GRIN2A: variants seen among roughly 807,000 people sequenced by gnomAD.
The protein encoded by GRIN2A is glutamate receptor ionotropic, NMDA 2A.
A neutral mutation model predicts 113.4 loss-of-function variants in GRIN2A; 22 were observed. The ratio of observed to expected loss-of-function variants is 0.19; its 90% CI spans 0.14 to 0.28. The LOEUF (loss-of-function observed/expected upper bound fraction) is 0.28, where lower values mean the gene tolerates loss of function less well. Ranked by LOEUF, GRIN2A falls within the 10% of genes least tolerant of loss-of-function variation. GRIN2A has a pLI of 1.00. For missense variants in GRIN2A, 1,502 were observed against 1,887.0 expected (o/e 0.80, Z 3.78); for synonymous variants, 827 against 738.4 (o/e 1.12, Z -1.94).
intron 5 of GRIN2A, among the ~76,000 whole-genome samples, chr16:9,842,487 A>G (rs887297244): frequency 3.3e-5 from 5 of 152,340 alleles, no homozygotes; most frequent in Admixed American, 6.5e-5. Flanking sequence ...CCTAAGCACT[A>G]AAGTGATGTC....
chr16:10,165,135 A>G (rs563809690), intron 2 of GRIN2A, among the ~76,000 whole-genome samples: 1 of 152,300 alleles, frequency 6.6e-6, no homozygotes, highest in African/African-American at 2.4e-5. Flanking sequence ...ATTGGTTTTC[A>G]TGGCAAAAAA....
intron 4 of GRIN2A, among the ~76,000 whole-genome samples, chr16:9,859,536 C>T (rs2043025375): frequency 6.6e-6 from 1 of 151,580 alleles, no homozygotes; most frequent in Non-Finnish European, 1.5e-5. Context: ...ACATTATAAT[C>T]ACATACGCTC....
Position 9,763,325 on chromosome 16 carries a change from A to T in GRIN2A, c.4219T>A (p.Ser1407Thr), listed in dbSNP as rs2141125420. Residue 1407 changes from serine to threonine, a missense_variant, in exon 13 of 13, where the codon TCA (serine) becomes ACA (threonine). By Grantham distance (58) the Ser-to-Thr change is moderately conservative (BLOSUM62 1). Coordinates refer to ENST00000330684, the MANE Select transcript of GRIN2A (RefSeq NM_001134407.3). The stretch of plus-strand genomic sequence containing the variant: ...TCCCTGGAACAGTACGATGCCGTTG[A>T]CCTCAAGGACGACCGAAGATAGCTG... ...NDSYLRSSLR[S>T]TASYCSRDSR... 1 of 1,614,102 alleles carries T rather than the reference A, an allele frequency of 6.2e-7. No individual in the cohort carries two copies. Among genetic ancestry groups the T allele is most frequent in the Admixed American group, 1.7e-5 (1 of 60,018 alleles).
intron 2 of GRIN2A, among the ~76,000 whole-genome samples, chr16:10,008,248 C>T (rs887151856): frequency 2.6e-5 from 4 of 152,170 alleles, no homozygotes; most frequent in Non-Finnish European, 5.9e-5. Context: ...CATGGCTATG[C>T]AACAGCTGTG....
intron 2 of GRIN2A, among the ~76,000 whole-genome samples, chr16:9,959,479 AT>A (rs2045385817): frequency 6.6e-6 from 1 of 152,148 alleles, no homozygotes; most frequent in East Asian, 1.9e-4. Context: ...ACTTCAATCT[AT>A]TTGCAGAGTG....
At chr16:9,814,117 T>A (rs893291874) in intron 10 of GRIN2A, among the ~76,000 whole-genome samples, 1 of 152,230 alleles carries the variant, frequency 6.6e-6, no homozygotes, top group African/African-American at 2.4e-5. Context: ...ATAGAAATGA[T>A]AATGCTGTGA....
chr16:10,167,798 A>T (rs1659264067), intron 2 of GRIN2A, among the ~76,000 whole-genome samples: 1 of 152,244 alleles, frequency 6.6e-6, no homozygotes, highest in African/African-American at 2.4e-5. Context: ...ACAGAAAGTG[A>T]AAGCATTTGG....
intron 4 of GRIN2A, among the ~76,000 whole-genome samples, chr16:9,888,573 G>A (rs2043631315): frequency 6.6e-6 from 1 of 151,334 alleles, no homozygotes; most frequent in Non-Finnish European, 1.5e-5. Flanking sequence ...AAAATCATTT[G>A]AATGTGCCTA....
intron 2 of GRIN2A, among the ~76,000 whole-genome samples, chr16:10,142,404 C>G (rs890156647): frequency 1.3e-5 from 2 of 152,146 alleles, no homozygotes; most frequent in African/African-American, 4.8e-5. Context: ...TCAAGTTAAA[C>G]CAACGAAAGT....
At chr16:9,860,205 C>T (rs1189772593) in intron 4 of GRIN2A, among the ~76,000 whole-genome samples, 2 of 151,908 alleles carry the variant, frequency 1.3e-5, no homozygotes, top group African/African-American at 4.8e-5. Flanking sequence ...CCTGTAATCC[C>T]AGCACTTCGG....
At chr16:10,039,074 T>C (rs34042699) in intron 2 of GRIN2A, among the ~76,000 whole-genome samples, 32,683 of 151,700 alleles carry the variant, frequency 0.22, 4,219 homozygotes, top group East Asian at 0.52. Flanking sequence ...CTGCTTCTAT[T>C]TTGTGCCCCT....
intron 4 of GRIN2A, among the ~76,000 whole-genome samples, chr16:9,872,808 T>A (rs1320034878): frequency 6.6e-6 from 1 of 152,022 alleles, no homozygotes; most frequent in East Asian, 1.9e-4. Context: ...GGTGGGGGAA[T>A]CACCTGAGCT....
At chr16:9,782,265 G>T (rs1362322) in intron 11 of GRIN2A, among the ~76,000 whole-genome samples, 26 of 151,920 alleles carry the variant, frequency 1.7e-4, no homozygotes, top group African/African-American at 6.0e-4. Flanking sequence ...CATTTATATT[G>T]CATTAGGTAT....
intron 2 of GRIN2A, among the ~76,000 whole-genome samples, chr16:9,978,917 G>A (rs1409036140): frequency 6.6e-6 from 1 of 152,154 alleles, no homozygotes. Context: ...ATTCTGCTAT[G>A]TACCCACAGA....
At chr16:9,915,621 A>G (rs1215107023) in intron 3 of GRIN2A, among the ~76,000 whole-genome samples, 1 of 152,194 alleles carries the variant, frequency 6.6e-6, no homozygotes, top group Non-Finnish European at 1.5e-5. Context: ...TGCTCTGTCC[A>G]ATGAATTGAT....
intron 3 of GRIN2A, among the ~76,000 whole-genome samples, chr16:9,904,394 CAG>C (rs2043989383): frequency 6.6e-6 from 1 of 152,006 alleles, no homozygotes; most frequent in Non-Finnish European, 1.5e-5. Flanking sequence ...TCTTTTGAGA[CAG>C]AGTCTTGCTC....
chr16:10,011,513 A>G (rs545474844), intron 2 of GRIN2A, among the ~76,000 whole-genome samples: 1 of 152,206 alleles, frequency 6.6e-6, no homozygotes, highest in South Asian at 2.1e-4. Context: ...CATTCTCCAA[A>G]CATTTCCAAC....
intron 2 of GRIN2A, among the ~76,000 whole-genome samples, chr16:9,941,168 T>C (rs2044866712): frequency 6.6e-6 from 1 of 152,090 alleles, no homozygotes; most frequent in African/African-American, 2.4e-5. Context: ...TGGAACCTAA[T>C]AAAAAGGGTC....
chr16:10,148,252 G>A (rs2049487017), intron 2 of GRIN2A, among the ~76,000 whole-genome samples: 1 of 152,166 alleles, frequency 6.6e-6, no homozygotes, highest in Admixed American at 6.5e-5. Context: ...AGCTCCTTTT[G>A]TGCTAAAACG....
Sources: gnomAD v4.1 joint callset for allele counts (sites outside exome capture counted in the v4.1 genomes callset) on GRCh38, gnomAD v4.1.1 for gene constraint, MANE v1.5 for transcripts, NCBI Gene and HGNC (gene_info 2026-07-23, HGNC 2026-07-21) for gene names.